The following KCNIP4 variants were observed in gnomAD, a reference collection of about 807,000 sequenced individuals.
The protein encoded by KCNIP4 is Kv channel-interacting protein 4.
Under a neutral mutation model 34.0 loss-of-function variants are expected in KCNIP4, and 12 were observed. That is an observed-to-expected ratio of 0.35 (90% CI 0.23 to 0.57). The LOEUF is 0.57. KCNIP4 is among the 20% of genes least tolerant of loss of function. KCNIP4 has a pLI of 0.83. For missense variants in KCNIP4, 238 were observed against 311.7 expected (o/e 0.76, Z 1.78); for synonymous variants, 124 against 102.2 (o/e 1.21, Z -1.29).
chr4:21,875,164 A>G (rs892528470), intron 1 of KCNIP4, among the ~76,000 whole-genome samples: 4 of 152,182 alleles, frequency 2.6e-5, no homozygotes, highest in African/African-American at 9.7e-5. Flanking sequence ...AAGGTCACAG[A>G]GCTAGTCAGT....
intron 1 of KCNIP4, among the ~76,000 whole-genome samples, chr4:21,531,843 T>G (rs1471408394): frequency 6.6e-6 from 1 of 152,172 alleles, no homozygotes; most frequent in East Asian, 1.9e-4. Flanking sequence ...TATTATTTTA[T>G]TCTACTTTAG....
chr4:21,457,186 A>G (rs146816049), intron 1 of KCNIP4, among the ~76,000 whole-genome samples: 2 of 152,004 alleles, frequency 1.3e-5, no homozygotes, highest in Non-Finnish European at 2.9e-5. Context: ...TTTCCCACCA[A>G]ATAAATCAGG....
chr4:21,845,607 T>C (rs1578062239), intron 1 of KCNIP4: 1 of 152,100 alleles, frequency 6.6e-6, no homozygotes, highest in Non-Finnish European at 1.5e-5. Context: ...GGAAGTTACA[T>C]AGGAGCTTGA....
At chr4:21,423,928 C>A (rs1295873874) in intron 1 of KCNIP4, among the ~76,000 whole-genome samples, 1 of 152,056 alleles carries the variant, frequency 6.6e-6, no homozygotes, top group South Asian at 2.1e-4. Flanking sequence ...CTGCCTCAGC[C>A]TCCTGAGTAG....
intron 1 of KCNIP4, among the ~76,000 whole-genome samples, chr4:21,194,782 C>T (rs1755938334): frequency 6.6e-6 from 1 of 152,178 alleles, no homozygotes; most frequent in Admixed American, 6.5e-5. Context: ...AGCCCAGGTT[C>T]CTGAATGATA....
chr4:21,229,332 G>A (rs1049750257), intron 1 of KCNIP4, among the ~76,000 whole-genome samples: 3 of 152,068 alleles, frequency 2.0e-5, no homozygotes, highest in African/African-American at 7.2e-5. Context: ...CATTTTGCTT[G>A]TTTTCTGGCA....
chr4:21,195,452 A>C (rs1262555956), intron 1 of KCNIP4, among the ~76,000 whole-genome samples: 2 of 152,164 alleles, frequency 1.3e-5, no homozygotes, highest in Admixed American at 1.3e-4. Flanking sequence ...AGCTAGGAAA[A>C]ATTTTACAAA....
intron 2 of KCNIP4, among the ~76,000 whole-genome samples, chr4:20,875,610 G>C (rs917683905): frequency 6.6e-6 from 1 of 152,020 alleles, no homozygotes; most frequent in African/African-American, 2.4e-5. Context: ...TTTAACATGG[G>C]TTATGCCTCT....
At position 21,360,115 on chromosome 4, in the gene KCNIP4, G is replaced by A. The variant is rs572307740; in HGVS notation, c.62-477406C>T. Among the ~76,000 whole-genome samples, 4 of 152,126 alleles carry A rather than the reference G, an allele frequency of 2.6e-5. 1 individual carries two copies. In the South Asian group the frequency reaches 8.3e-4, roughly 32 times the overall value. Reference sequence around the variant, plus strand: ...TCTCAAAATTTAAACTGTTGTTTCAGAATTTAGAATTAAGAGATATCTAAT... The same window carrying A: ...TCTCAAAATTTAAACTGTTGTTTCAAAATTTAGAATTAAGAGATATCTAAT... On this transcript the variant is annotated intron_variant, in intron 1 of 8. Coordinates refer to ENST00000382152, the MANE Select transcript of KCNIP4 (RefSeq NM_025221.6).
chr4:21,118,707 C>T (rs1385100086), intron 1 of KCNIP4, among the ~76,000 whole-genome samples: 2 of 152,078 alleles, frequency 1.3e-5, no homozygotes, highest in African/African-American at 2.4e-5. Context: ...TAAGCTCACC[C>T]TCTCCAAGCA....
chr4:21,151,775 T>C (rs1049600739), intron 1 of KCNIP4, among the ~76,000 whole-genome samples: 1 of 152,144 alleles, frequency 6.6e-6, no homozygotes, highest in Non-Finnish European at 1.5e-5. Context: ...CTGAATGGTA[T>C]GGGCTTTTAT....
intron 1 of KCNIP4, among the ~76,000 whole-genome samples, chr4:20,943,125 T>TC (rs35101553): frequency 4.4e-4 from 2 of 4,502 alleles, no homozygotes; most frequent in East Asian, 7.4e-3. Context: ...AGGCATTGCA[T>TC]TTTTTTATTC....
chr4:21,631,752 A>T (rs6448065), intron 1 of KCNIP4, among the ~76,000 whole-genome samples: 132,402 of 152,194 alleles, frequency 0.87, 57,910 homozygotes, highest in East Asian at 0.99. Flanking sequence ...TTAGAATAAG[A>T]CCCTCCAAAG....
chr4:20,798,194 A>C (rs1481117740), intron 3 of KCNIP4, among the ~76,000 whole-genome samples: 1 of 152,242 alleles, frequency 6.6e-6, no homozygotes, highest in African/African-American at 2.4e-5. Context: ...CTTAAAGACT[A>C]TGTTATCAGG....
intron 1 of KCNIP4, among the ~76,000 whole-genome samples, chr4:21,669,580 G>T (rs956779420): frequency 6.6e-6 from 1 of 152,144 alleles, no homozygotes; most frequent in African/African-American, 2.4e-5. Context: ...GTGGATTTTT[G>T]ACTGTGCTGA....
intron 1 of KCNIP4, among the ~76,000 whole-genome samples, chr4:20,940,133 C>A (rs555531959): frequency 1.3e-5 from 2 of 152,240 alleles, no homozygotes; most frequent in Admixed American, 1.3e-4. Context: ...ACCTAGGATG[C>A]CTTTCTGTTA....
At chr4:21,866,258 A>C (rs533272165) in intron 1 of KCNIP4, among the ~76,000 whole-genome samples, 52 of 152,310 alleles carry the variant, frequency 3.4e-4, no homozygotes, top group African/African-American at 1.2e-3. Flanking sequence ...AAATCACAGC[A>C]AGTCTTCTCC....
chr4:21,614,825 T>A (rs1744463536), intron 1 of KCNIP4, among the ~76,000 whole-genome samples: 1 of 152,090 alleles, frequency 6.6e-6, no homozygotes, highest in Non-Finnish European at 1.5e-5. Flanking sequence ...GGGCATATTC[T>A]GGGAAAGGAG....
At chr4:20,829,136 TGTCTTCTC>T (rs1718116434) in intron 3 of KCNIP4, among the ~76,000 whole-genome samples, 1 of 152,204 alleles carries the variant, frequency 6.6e-6, no homozygotes, top group Non-Finnish European at 1.5e-5. Context: ...TTGTGAAGTG[TGTCTTCTC>T]TAAGTTTAAG....
Sources: allele counts gnomAD v4.1 joint callset (sites outside exome capture counted in the v4.1 genomes callset), GRCh38; gene constraint gnomAD v4.1.1; transcripts MANE v1.5; gene names NCBI Gene and HGNC (gene_info 2026-07-23, HGNC 2026-07-21).